The following KIAA1217 variants were observed in gnomAD, a reference collection of about 807,000 sequenced individuals.
KIAA1217 encodes the protein sickle tail protein homolog.
A neutral mutation model predicts 163.9 loss-of-function variants in KIAA1217; 88 were observed. The ratio of observed to expected loss-of-function variants is 0.54; its 90% CI spans 0.45 to 0.64. KIAA1217 has a LOEUF of 0.64. KIAA1217 is among the 30% of genes least tolerant of loss of function. The probability of loss-of-function intolerance (pLI) is 0.00; values close to 1 mark genes in which losing one functional copy is unlikely to be tolerated. For synonymous variants in KIAA1217, 903 were observed against 923.1 expected (o/e 0.98, Z 0.39); for missense variants, 2,372 against 2,475.0 (o/e 0.96, Z 0.88).
intron 1 of KIAA1217, among the ~76,000 whole-genome samples, chr10:23,872,947 A>G (rs1471433289): frequency 1.3e-5 from 2 of 152,062 alleles, no homozygotes; most frequent in Admixed American, 1.3e-4. Flanking sequence ...TATTTTTGGA[A>G]TGAAACAAGC....
rs1830286793 is a variant in KIAA1217 at position 24,543,444 on chromosome 10, G to A, written c.4174G>A (p.Val1392Ile). The A allele has an allele frequency of 6.2e-7, 1 of 1,614,034 alleles. No individual in the cohort carries two copies. The highest frequency in any genetic ancestry group is 1.3e-5 in the African/African-American group (1 of 74,904). The change falls in exon 19 of 21, where the codon GTC becomes ATC. Residue 1392 changes from valine to isoleucine, a missense_variant. Around this residue, in one of 3 missense-constraint regions of KIAA1217, gnomAD observed 251 missense variants for 327.3 expected, o/e 0.77. Transcript: ENST00000376454. ...TGCCTTCATGATTACCGAAACCACTGTCCAGGTTCTTTCCAGTGGGGAGGT... is the reference window on the plus strand; with the variant it reads ...TGCCTTCATGATTACCGAAACCACTATCCAGGTTCTTTCCAGTGGGGAGGT... ...NIAFMITETT[V>I]QVLSSGEVHD...
At chr10:23,978,430 A>G (rs908835952) in intron 1 of KIAA1217, among the ~76,000 whole-genome samples, 2 of 152,142 alleles carry the variant, frequency 1.3e-5, no homozygotes, top group African/African-American at 2.4e-5. Flanking sequence ...GTCTTTTCTG[A>G]TACTGGCTTG....
At chr10:23,745,524 T>C (rs142955590) in intron 1 of KIAA1217, among the ~76,000 whole-genome samples, 151 of 152,354 alleles carry the variant, frequency 9.9e-4, no homozygotes, top group African/African-American at 3.4e-3. Flanking sequence ...CAATACATGA[T>C]GTTTCCGTGT....
intron 2 of KIAA1217, among the ~76,000 whole-genome samples, chr10:24,276,282 G>A (rs2077273900): frequency 6.6e-6 from 1 of 152,092 alleles, no homozygotes; most frequent in Non-Finnish European, 1.5e-5. Flanking sequence ...GGATTTATAA[G>A]GCATTTCAGT....
intron 2 of KIAA1217, among the ~76,000 whole-genome samples, chr10:24,289,290 A>C (rs1474595755): frequency 6.6e-6 from 1 of 152,040 alleles, no homozygotes. Flanking sequence ...GGGAATATAG[A>C]TGCTCCTTCT....
rs552860205 is a variant in KIAA1217 at position 24,233,735 on chromosome 10, T to C, written c.354+13826T>C. 2.0e-5 allele frequency among the ~76,000 whole-genome samples: 3 copies of C among 152,340 alleles called. No individual in the cohort carries two copies. The East Asian group carries it at 5.8e-4, about 29-fold the overall frequency. On this transcript the variant is annotated intron_variant, in intron 2 of 20. Transcript: ENST00000376454. ...AGTATTGCATAGATATTCATGGACA[T>C]TTATCTATTCTGTATTCTATGCACA...
At chr10:24,207,288 A>T (rs868673989), upstream of KIAA1217, among the ~76,000 whole-genome samples, 808 of 136,368 alleles carry the variant, frequency 5.9e-3, 7 homozygotes, top group African/African-American at 0.026. Context: ...TCTCTCACAC[A>T]CACACACACA....
intron 2 of KIAA1217, among the ~76,000 whole-genome samples, chr10:24,160,344 A>G (rs868698838): frequency 6.6e-6 from 1 of 152,160 alleles, no homozygotes; most frequent in Non-Finnish European, 1.5e-5. Context: ...AATTTTTCCA[A>G]CCTAAGAATG....
At chr10:24,252,219 G>T (rs1021394735) in intron 2 of KIAA1217, among the ~76,000 whole-genome samples, 1 of 152,116 alleles carries the variant, frequency 6.6e-6, no homozygotes, top group Non-Finnish European at 1.5e-5. Flanking sequence ...CCACAAAAAG[G>T]CCTCAGATTA....
intron 1 of KIAA1217, among the ~76,000 whole-genome samples, chr10:23,826,627 G>A (rs1490703931): frequency 1.3e-5 from 2 of 152,132 alleles, no homozygotes; most frequent in African/African-American, 4.8e-5. Flanking sequence ...AGCTGTGGAT[G>A]GAGTTCAAGT....
chr10:23,832,492 C>G (rs1022872786), intron 1 of KIAA1217, among the ~76,000 whole-genome samples: 2 of 152,098 alleles, frequency 1.3e-5, no homozygotes, highest in African/African-American at 4.8e-5. Context: ...GGTGATCATT[C>G]AATACTGTCC....
In KIAA1217 at chr10:24,000,434, C is replaced by T. The variant is rs541477844; in HGVS notation, c.-320-6791C>T. Among the ~76,000 whole-genome samples the T allele has an allele frequency of 4.6e-5, 7 of 152,328 alleles. No individual in the cohort carries two copies. In the East Asian group the frequency reaches 9.6e-4, roughly 21 times the overall value. ...CATGTGAAGAAGGACAGGTTTGCTT[C>T]GCCTTCTGCCATAATTGTAAGTTTC... On this transcript the variant is annotated intron_variant, in intron 1 of 18. Transcript: ENST00000376462.
chr10:24,491,572 G>A (rs2066154226), intron 6 of KIAA1217, among the ~76,000 whole-genome samples: 1 of 152,130 alleles, frequency 6.6e-6, no homozygotes, highest in Non-Finnish European at 1.5e-5. Flanking sequence ...TTACAGATGT[G>A]AGCCACTGCG....
At chr10:24,275,769 C>T in intron 2 of KIAA1217, 1 of 522,266 alleles carries the variant, frequency 1.9e-6, no homozygotes, top group Non-Finnish European at 3.9e-6. Flanking sequence ...ACTTTTGCTC[C>T]AACTTAATAC....
intron 2 of KIAA1217, among the ~76,000 whole-genome samples, chr10:24,309,350 G>GCA (rs760597469): frequency 0.17 from 21,804 of 132,122 alleles, 2,007 homozygotes; most frequent in Non-Finnish European, 0.21. Context: ...ACGCGCGCGC[G>GCA]CACACACACA....
At position 23,758,822 on chromosome 10, in the gene KIAA1217, G is replaced by T. The variant is rs368470160; in HGVS notation, c.-321+63588G>T. On this transcript the variant is annotated intron_variant, in intron 1 of 18. Coordinates refer to the KIAA1217 transcript ENST00000376462. The stretch of plus-strand genomic sequence containing the variant: ...CTACCTTAGCCTCCCAAGTAGCTGG[G>T]ATTACACGTGTGTGCTACCACACCT... Among the ~76,000 whole-genome samples, 6 of 151,056 alleles carry T rather than the reference G, an allele frequency of 4.0e-5. No homozygotes were observed. The East Asian group carries it at 5.8e-4, about 15-fold the overall frequency.
At chr10:24,501,826 G>A (rs369858220) in intron 9 of KIAA1217, among the ~76,000 whole-genome samples, 5 of 127,580 alleles carry the variant, frequency 3.9e-5, no homozygotes, top group African/African-American at 1.5e-4. Flanking sequence ...TCGGCTCACT[G>A]CAAGCTCCGT....
chr10:24,094,904 G>A (rs1231852598), intron 2 of KIAA1217, among the ~76,000 whole-genome samples: 1 of 152,138 alleles, frequency 6.6e-6, no homozygotes, highest in Non-Finnish European at 1.5e-5. Context: ...GAGCTTCCCG[G>A]CTGCTTTGTT....
chr10:24,040,048 A>G (rs1038137032), intron 2 of KIAA1217, among the ~76,000 whole-genome samples: 3 of 152,190 alleles, frequency 2.0e-5, no homozygotes, highest in African/African-American at 4.8e-5. Context: ...TCCACACTGC[A>G]TGGGATAAAA....
Sources: allele counts gnomAD v4.1 joint callset (sites outside exome capture counted in the v4.1 genomes callset), GRCh38; gene constraint gnomAD v4.1.1; regional missense constraint gnomAD v4.1.1; transcripts MANE v1.5; gene names NCBI Gene and HGNC (gene_info 2026-07-23, HGNC 2026-07-21).